GTF3C3: variants seen among roughly 807,000 people sequenced by gnomAD.
GTF3C3 encodes general transcription factor IIIC subunit 3.
GTF3C3 carries 75 observed loss-of-function variants against 105.2 expected under a neutral mutation model. The ratio of observed to expected loss-of-function variants is 0.71; its 90% CI spans 0.59 to 0.86. GTF3C3 has a LOEUF of 0.86. GTF3C3 is among the 40% of genes least tolerant of loss of function. The probability of loss-of-function intolerance (pLI) is 0.00; values close to 1 mark genes in which losing one functional copy is unlikely to be tolerated. For synonymous variants in GTF3C3, 335 were observed against 370.4 expected (o/e 0.90, Z 1.10); for missense variants, 856 against 1,076.5 (o/e 0.80, Z 2.87).
At chr2:196,792,052 A>G (rs1699558725) in intron 3 of GTF3C3, among the ~76,000 whole-genome samples, 1 of 152,070 alleles carries the variant, frequency 6.6e-6, no homozygotes, top group Admixed American at 6.6e-5. Context: ...TGCAAAATGC[A>G]TTTATATTCC....
At chr2:196,777,950 C>A (rs1199877056) in intron 10 of GTF3C3, 1 of 152,176 alleles carries the variant, frequency 6.6e-6, no homozygotes, top group Non-Finnish European at 1.5e-5. Flanking sequence ...TCAAATCTCA[C>A]AAATAATGCA....
At chr2:196,788,819 T>G (rs138469092) in intron 6 of GTF3C3, among the ~76,000 whole-genome samples, 3 of 152,052 alleles carry the variant, frequency 2.0e-5, no homozygotes, top group African/African-American at 7.2e-5. Flanking sequence ...AATCCTAGCA[T>G]TTTGGGAGGC....
chr2:196,781,357 A>ATATATATATATATATATATATATAT (rs1553578902), intron 8 of GTF3C3, among the ~76,000 whole-genome samples: 1 of 18,822 alleles, frequency 5.3e-5, no homozygotes, highest in South Asian at 3.3e-3. Flanking sequence ...AAAAAAAAAA[A>ATATATATATATATATATATATATAT]ATATATATAT....
intron 2 of GTF3C3, among the ~76,000 whole-genome samples, chr2:196,796,239 A>T (rs542525587): frequency 1.1e-3 from 168 of 152,272 alleles, no homozygotes; most frequent in Non-Finnish European, 1.4e-3. Context: ...TCTTAAAAGG[A>T]TGTATGACAT....
chr2:196,784,689 TACTC>T lies in GTF3C3; in HGVS notation c.1114+164_1114+167del, dbSNP rs1267311605. On this transcript the variant is annotated intron_variant, in intron 8 of 17. Coordinates refer to ENST00000263956, the MANE Select transcript of GTF3C3 (RefSeq NM_012086.5). The stretch of plus-strand genomic sequence containing the variant: ...TTTTTAAAGATTACTTGTAAGTCAA[TACTC>T]ACAAGATATGAAATCTCTGAGAAAA... The T allele has an allele frequency of 1.6e-5, 8 of 515,882 alleles. No individual in the cohort carries two copies. The East Asian group carries it at 1.2e-3, about 77-fold the overall frequency. The allele number at this position is 515,882 out of a possible 1,614,324, so 32.0% of individuals were successfully genotyped here. A position where few individuals can be genotyped will look rare whatever the true frequency, so the allele number is the denominator to read the frequency against.
rs1699576276 is a variant in GTF3C3 at position 196,792,936 on chromosome 2, C to A, written c.411+20G>T. On this transcript the variant is annotated intron_variant, in intron 3 of 17. Transcript: ENST00000263956. ...CACTTTCTTCATTGTTTATAAATAC[C>A]AAAATAAGTAAAAATTTACTTTCAT... is the stretch of plus-strand genomic sequence containing the variant. 6.5e-7 allele frequency: 1 copy of A among 1,547,942 alleles called. No homozygotes were observed. Among genetic ancestry groups the A allele is most frequent in the Non-Finnish European group, 8.9e-7 (1 of 1,123,582 alleles).
chr2:196,798,828 C>T (rs947647718), intron 1 of GTF3C3, among the ~76,000 whole-genome samples: 6 of 145,410 alleles, frequency 4.1e-5, no homozygotes, highest in Non-Finnish European at 7.4e-5. Context: ...TGCCACTGCA[C>T]TCCAGCCTGG....
rs1010882306 is a variant in GTF3C3, at chr2:196,763,760, A to G, written c.*803T>C. 3.9e-5 allele frequency: 6 copies of G among 152,246 alleles called. No individual in the cohort carries two copies. Among genetic ancestry groups the G allele is most frequent in the Non-Finnish European group, 8.8e-5 (6 of 68,042 alleles). 9.4% of individuals were successfully genotyped at this position (152,246 alleles called of 1,614,324 possible). ...GTACTGTTAACTTAAATTCAAGAAC[A>G]TATAATAAATAGTGGAGATGAGTAA... On this transcript the variant is annotated 3_prime_UTR_variant, in exon 18 of 18. Transcript: ENST00000263956.
intron 16 of GTF3C3, among the ~76,000 whole-genome samples, chr2:196,768,781 A>G (rs1300646773): frequency 1.3e-5 from 2 of 152,160 alleles, no homozygotes; most frequent in Admixed American, 6.5e-5. Context: ...TTTAGCTTCC[A>G]TATTACTTTG....
intron 1 of GTF3C3, among the ~76,000 whole-genome samples, 156 bp from the exon 2 acceptor site, chr2:196,798,064 T>C (rs1207495295): frequency 6.6e-6 from 1 of 152,208 alleles, no homozygotes; most frequent in East Asian, 1.9e-4. Flanking sequence ...TAATTTTCTA[T>C]TCCTACAAAA....
At chr2:196,784,994 A>T (rs774682295) in intron 7 of GTF3C3, 65 bp from the exon 8 acceptor site, 114 of 1,058,766 alleles carry the variant, frequency 1.1e-4, no homozygotes, top group Admixed American at 3.2e-4. Flanking sequence ...TAATGCAAAG[A>T]TTTGTACAGT....
At chr2:196,775,582 C>T (rs1699247048) in intron 12 of GTF3C3, among the ~76,000 whole-genome samples, 1 of 152,154 alleles carries the variant, frequency 6.6e-6, no homozygotes, top group Non-Finnish European at 1.5e-5. Flanking sequence ...GGTCACATTC[C>T]TCACCTCAGA....
chr2:196,765,503 G>A (rs1185469755), intron 17 of GTF3C3, among the ~76,000 whole-genome samples: 1 of 151,138 alleles, frequency 6.6e-6, no homozygotes, highest in Non-Finnish European at 1.5e-5. Context: ...AATGGTGTGA[G>A]TAAACAATAG....
In GTF3C3 at chr2:196,776,907, T is replaced by G. The variant is rs1445770769; in HGVS notation, c.1391-278A>C. Reference sequence around the variant, plus strand: ...ACACTGTCTTCATTGGCATTTTGAATGGTTACATAATCAAACTGATTATGT... The same window carrying G: ...ACACTGTCTTCATTGGCATTTTGAAGGGTTACATAATCAAACTGATTATGT... On this transcript the variant is annotated intron_variant, in intron 10 of 17. Coordinates refer to ENST00000263956, the MANE Select transcript of GTF3C3 (RefSeq NM_012086.5). The surrounding 1 kb of genome is among the most constrained non-coding windows in gnomAD (Gnocchi z 4.5). Among the ~76,000 whole-genome samples the G allele has an allele frequency of 6.6e-6, 1 of 152,214 alleles. No individual in the cohort carries two copies. Among genetic ancestry groups the G allele is most frequent in the African/African-American group, 2.4e-5 (1 of 41,446 alleles).
At chr2:196,797,001 G>A (rs1311121976) in intron 2 of GTF3C3, among the ~76,000 whole-genome samples, 1 of 152,128 alleles carries the variant, frequency 6.6e-6, no homozygotes, top group Non-Finnish European at 1.5e-5. Flanking sequence ...TGCTATGACT[G>A]TCTGTTCTCT....
At chr2:196,787,900 T>C (rs1346099631) in intron 6 of GTF3C3, among the ~76,000 whole-genome samples, 1 of 152,144 alleles carries the variant, frequency 6.6e-6, no homozygotes, top group African/African-American at 2.4e-5. Context: ...TAAACAGAAG[T>C]TACAGTGATA....
At chr2:196,790,417 T>G (rs1699527244) in intron 4 of GTF3C3, among the ~76,000 whole-genome samples, 1 of 152,030 alleles carries the variant, frequency 6.6e-6, no homozygotes, top group East Asian at 1.9e-4. Context: ...GCCACATCAG[T>G]GGGGTTGAAT....
rs765418931 is a variant in GTF3C3, at chr2:196,791,324, C to A, written c.535+13G>T. 3.1e-6 allele frequency: 5 copies of A among 1,613,446 alleles called. No individual in the cohort carries two copies. The African/African-American group carries it at 5.3e-5, about 17-fold the overall frequency. On this transcript the variant is annotated intron_variant, in intron 4 of 17. Coordinates refer to ENST00000263956, the MANE Select transcript of GTF3C3 (RefSeq NM_012086.5). ...TAAACTGCTATTATTAACAAAGTCCCCACAGAAAACACCTTGTCTTATGAT... is the reference window on the plus strand; with the variant it reads ...TAAACTGCTATTATTAACAAAGTCCACACAGAAAACACCTTGTCTTATGAT...
intron 2 of GTF3C3, among the ~76,000 whole-genome samples, chr2:196,794,563 G>A (rs902802949): frequency 6.6e-6 from 1 of 151,910 alleles, no homozygotes; most frequent in Non-Finnish European, 1.5e-5. Flanking sequence ...GCCTCATGGG[G>A]TAGCTGGGAT....
Sources: allele counts gnomAD v4.1 joint callset (sites outside exome capture counted in the v4.1 genomes callset), GRCh38; gene constraint gnomAD v4.1.1; non-coding constraint Gnocchi (gnomAD v3.1); transcripts MANE v1.5; gene names NCBI Gene and HGNC (gene_info 2026-07-23, HGNC 2026-07-21).